The following TTC28 variants were observed in gnomAD, a reference collection of about 807,000 sequenced individuals.
TTC28 encodes tetratricopeptide repeat domain 28, also known as tetratricopeptide repeat protein 28.
In TTC28, 61 loss-of-function variants were observed where a neutral mutation model predicts 198.0. The ratio of observed to expected loss-of-function variants is 0.31; its 90% CI spans 0.25 to 0.38. The LOEUF is 0.38. TTC28 is among the 10% of genes least tolerant of loss of function. The pLI, the probability that TTC28 is intolerant of heterozygous loss-of-function variation, is 1.00. For synonymous variants in TTC28, 1,171 were observed against 1,297.8 expected (o/e 0.90, Z 2.10); for missense variants, 2,678 against 3,164.0 (o/e 0.85, Z 3.69).
At chr22:28,371,298 G>A (rs5762574) in intron 2 of TTC28, among the ~76,000 whole-genome samples, 147,476 of 150,680 alleles carry the variant, frequency 0.98, 72,167 homozygotes, top group East Asian at 0.99. Context: ...CAGGCAGATC[G>A]CTTGAGCTCA....
intron 6 of TTC28, among the ~76,000 whole-genome samples, chr22:28,116,335 A>G (rs1942629913): frequency 6.6e-6 from 1 of 152,238 alleles, no homozygotes; most frequent in Admixed American, 6.5e-5. Flanking sequence ...GGCAGTGGGG[A>G]AGATTAATTG....
At chr22:28,583,982 C>G (rs2050269499) in intron 2 of TTC28, among the ~76,000 whole-genome samples, 1 of 145,230 alleles carries the variant, frequency 6.9e-6, no homozygotes, top group Non-Finnish European at 1.5e-5. Context: ...CTCTCTTTCT[C>G]CGTTTTTTTT....
chr22:28,216,894 A>AT (rs987327900), intron 5 of TTC28, among the ~76,000 whole-genome samples: 6 of 151,774 alleles, frequency 4.0e-5, no homozygotes, highest in Non-Finnish European at 7.4e-5. Flanking sequence ...GCAATTTTTT[A>AT]TTTTTTGTAG....
intron 2 of TTC28, among the ~76,000 whole-genome samples, chr22:28,535,546 C>CAT (rs1430382664): frequency 6.6e-6 from 1 of 152,104 alleles, no homozygotes; most frequent in African/African-American, 2.4e-5. Flanking sequence ...TTCCATTATA[C>CAT]ATATATACCA....
chr22:28,555,569 T>C (rs2049773330), intron 2 of TTC28, among the ~76,000 whole-genome samples: 1 of 152,208 alleles, frequency 6.6e-6, no homozygotes, highest in Non-Finnish European at 1.5e-5. Context: ...TGGAGACTAT[T>C]ATTCTAGGTG....
chr22:28,392,020 G>T (rs1183493175), intron 2 of TTC28, among the ~76,000 whole-genome samples: 1 of 152,144 alleles, frequency 6.6e-6, no homozygotes, highest in Non-Finnish European at 1.5e-5. Context: ...ATGGGTTTTT[G>T]GTGTGGATGT....
intron 2 of TTC28, among the ~76,000 whole-genome samples, chr22:28,598,232 C>T (rs965013556): frequency 4.4e-4 from 66 of 151,496 alleles, no homozygotes; most frequent in African/African-American, 1.5e-3. Context: ...ACAAGCAGGC[C>T]GGGCACAGTG....
chr22:28,510,776 G>C (rs2048677205), intron 2 of TTC28, among the ~76,000 whole-genome samples: 1 of 152,012 alleles, frequency 6.6e-6, no homozygotes, highest in Non-Finnish European at 1.5e-5. Context: ...CAGCCCAAAA[G>C]CTTCCTAAGC....
chr22:28,026,402 G>A (rs970038523), intron 13 of TTC28, among the ~76,000 whole-genome samples: 1 of 152,074 alleles, frequency 6.6e-6, no homozygotes, highest in African/African-American at 2.4e-5. Flanking sequence ...ACACACACCC[G>A]TGCCACGTTA....
chr22:28,616,802 A>G (rs536453953), intron 2 of TTC28, among the ~76,000 whole-genome samples: 60 of 151,920 alleles, frequency 3.9e-4, no homozygotes, highest in Non-Finnish European at 7.5e-4. Context: ...GGCTGTGATC[A>G]TGCCACTGCA....
Position 28,296,308 on chromosome 22 carries a change from G to C in TTC28, c.823C>G (p.Arg275Gly), listed in dbSNP as rs1368303991. ...KTLGDQTGEC[R>G]AHGNLGSAFF... Reference sequence around the variant, plus strand: ...GCAGAGCCCAGATTCCCATGAGCTCGGCATTCTCCTGTCTGGTCACCTGGA... The same window carrying C: ...GCAGAGCCCAGATTCCCATGAGCTCCGCATTCTCCTGTCTGGTCACCTGGA... The change falls in exon 5 of 23, where the codon CGA (arginine) becomes GGA (glycine). Residue 275 changes from arginine (R) to glycine (G), a missense_variant. By Grantham distance (125) the Arg-to-Gly change is moderately radical (BLOSUM62 -2). Coordinates refer to ENST00000397906, the MANE Select transcript of TTC28 (RefSeq NM_001145418.2). The C allele has an allele frequency of 6.5e-7, 1 of 1,543,118 alleles. No individual in the cohort carries two copies. The highest frequency in any genetic ancestry group is 2.4e-5 in the East Asian group (1 of 40,858).
chr22:28,010,428 T>C (rs1309985371), intron 14 of TTC28, among the ~76,000 whole-genome samples: 1 of 152,194 alleles, frequency 6.6e-6, no homozygotes, highest in East Asian at 1.9e-4. Flanking sequence ...ACAACTTTTA[T>C]ACATTCAGAG....
chr22:28,364,707 G>A (rs2046216450), intron 2 of TTC28, among the ~76,000 whole-genome samples: 1 of 152,194 alleles, frequency 6.6e-6, no homozygotes, highest in African/African-American at 2.4e-5. Flanking sequence ...AACTGCAGAT[G>A]TGTTGGAAAT....
At chr22:28,039,238 C>T (rs1386070795) in intron 12 of TTC28, among the ~76,000 whole-genome samples, 1 of 152,146 alleles carries the variant, frequency 6.6e-6, no homozygotes, top group African/African-American at 2.4e-5. Context: ...TATTGCGGCA[C>T]TACTCACAAT....
chr22:28,322,637 C>G (rs2045466209), intron 2 of TTC28, among the ~76,000 whole-genome samples: 1 of 152,146 alleles, frequency 6.6e-6, no homozygotes, highest in Non-Finnish European at 1.5e-5. Context: ...GTCCATCAGC[C>G]CTATTCTGGC....
At chr22:28,002,574 C>T (rs367635483) in intron 14 of TTC28, 3 of 151,968 alleles carry the variant, frequency 2.0e-5, no homozygotes, top group South Asian at 4.2e-4. Flanking sequence ...ACATGCCTGG[C>T]GGGATGTTCA....
At chr22:28,384,814 C>T (rs1231648995) in intron 2 of TTC28, among the ~76,000 whole-genome samples, 1 of 152,138 alleles carries the variant, frequency 6.6e-6, no homozygotes, top group Non-Finnish European at 1.5e-5. Context: ...TTGTCTACTG[C>T]ATTTCCTAAG....
chr22:28,530,722 T>C (rs1176903941), intron 2 of TTC28, among the ~76,000 whole-genome samples: 1 of 152,132 alleles, frequency 6.6e-6, no homozygotes, highest in African/African-American at 2.4e-5. Context: ...CGGCAGAAAC[T>C]CTACAAGCCA....
intron 1 of TTC28, among the ~76,000 whole-genome samples, chr22:28,677,944 AAAAAG>A (rs1001882697): frequency 6.6e-6 from 1 of 152,096 alleles, no homozygotes; most frequent in Non-Finnish European, 1.5e-5. Flanking sequence ...TCTCAAAAAA[AAAAAG>A]AAAAAGAAGA....
Sources: allele counts gnomAD v4.1 joint callset (sites outside exome capture counted in the v4.1 genomes callset), GRCh38; gene constraint gnomAD v4.1.1; transcripts MANE v1.5; gene names NCBI Gene and HGNC (gene_info 2026-07-23, HGNC 2026-07-21).